LRRC75A: variants seen among roughly 807,000 people sequenced by gnomAD.
LRRC75A encodes the protein leucine-rich repeat-containing protein 75A.
Under a neutral mutation model 26.0 loss-of-function variants are expected in LRRC75A, and 12 were observed. That is an observed-to-expected ratio of 0.46 (90% CI 0.30 to 0.75). The LOEUF (loss-of-function observed/expected upper bound fraction) is 0.75, where lower values mean the gene tolerates loss of function less well. Among genes scored for constraint, LRRC75A ranks in the 30% least tolerant of loss-of-function variants. The probability of loss-of-function intolerance (pLI) is 0.08; values close to 1 mark genes in which losing one functional copy is unlikely to be tolerated. For missense variants in LRRC75A, 410 were observed against 486.6 expected (o/e 0.84, Z 1.48); for synonymous variants, 223 against 219.3 (o/e 1.02, Z -0.15).
rs754603305 is a variant in LRRC75A, at chr17:16,447,827, CG to C, written c.491+17del. ...ACACTCAGCCTGGCATAGACCTGCC[CG>C]GGGGAGTGTAACTCACCAGGCCTGT... On this transcript the variant is annotated intron_variant, in intron 3 of 3. Coordinates refer to ENST00000470794, the MANE Select transcript of LRRC75A (RefSeq NM_001113567.3). 3.0e-5 allele frequency: 46 copies of C among 1,516,468 alleles called. No individual in the cohort carries two copies. In the South Asian group the frequency reaches 5.7e-4, roughly 19 times the overall value. 93.9% of individuals were successfully genotyped at this position (1,516,468 alleles called of 1,614,324 possible).
intron 1 of LRRC75A, among the ~76,000 whole-genome samples, chr17:16,471,188 A>G (rs1343813613): frequency 6.6e-6 from 1 of 152,210 alleles, no homozygotes; most frequent in African/African-American, 2.4e-5. Flanking sequence ...AGAAGGCAGC[A>G]ATGTGAAGGT....
intron 1 of LRRC75A, among the ~76,000 whole-genome samples, chr17:16,466,900 C>T (rs1172402378): frequency 1.3e-5 from 2 of 152,126 alleles, no homozygotes; most frequent in Non-Finnish European, 2.9e-5. Flanking sequence ...ACCCTTAAGA[C>T]CATTTTAGGG....
intron 1 of LRRC75A, among the ~76,000 whole-genome samples, chr17:16,489,056 G>A (rs190005901): frequency 2.6e-5 from 4 of 152,290 alleles, no homozygotes; most frequent in Admixed American, 2.6e-4. Flanking sequence ...TGAACCCTCC[G>A]AAATTGCCTG....
chr17:16,442,092 G>A lies in LRRC75A; in HGVS notation c.*1496C>T, dbSNP rs916568785. 1.3e-5 allele frequency: 2 copies of A among 152,358 alleles called. No individual in the cohort carries two copies. The highest frequency in any genetic ancestry group is 4.8e-5 in the African/African-American group (2 of 41,548). The allele number at this position is 152,358 out of a possible 1,614,324, so 9.4% of individuals were successfully genotyped here. ...TCAGATATTAGCAGTCCAGATATTCGCTCTAGCTTGTAAACTTCCCTGTGG... is the reference window on the plus strand; with the variant it reads ...TCAGATATTAGCAGTCCAGATATTCACTCTAGCTTGTAAACTTCCCTGTGG... On this transcript the variant is annotated 3_prime_UTR_variant, in exon 4 of 4. Transcript: ENST00000470794.
chr17:16,474,989 C>T (rs550767379), intron 1 of LRRC75A, among the ~76,000 whole-genome samples: 1 of 146,894 alleles, frequency 6.8e-6, no homozygotes, highest in Non-Finnish European at 1.5e-5. Context: ...GTGCAAGACT[C>T]CGTCTCAAAA....
chr17:16,444,294 C>T lies in LRRC75A; in HGVS notation c.492-163G>A, dbSNP rs549258230. On this transcript the variant is annotated intron_variant, in intron 3 of 3. Coordinates refer to ENST00000470794, the MANE Select transcript of LRRC75A (RefSeq NM_001113567.3). ...TGCAGAGGTGGGAGCAACCAGGGAC[C>T]TCAGTCCCCTGACACTGCCGCACGT... Among the ~76,000 whole-genome samples the T allele has an allele frequency of 2.0e-3, 304 of 152,346 alleles. 1 individual carries two copies. The highest frequency in any genetic ancestry group is 3.4e-3 in the Non-Finnish European group (232 of 68,038).
In LRRC75A at chr17:16,447,916, C is replaced by T. The variant is rs2093599947; in HGVS notation, c.420G>A (p.Leu140=). The T allele has an allele frequency of 6.4e-7, 1 of 1,550,760 alleles. No homozygotes were observed. Among genetic ancestry groups the T allele is most frequent in the Admixed American group, 2.0e-5 (1 of 50,964 alleles). ...GGGAGTGGGGGCTGAGGTGGTATGT[C>T]AGCTGCCGGCACAGCTTCTCCATGG... ...LGAMEKLCRQ[L]TYHLSPHSQW... The change falls in exon 3 of 4, where the codon CTG becomes CTA. Residue 140 remains leucine (L), a synonymous_variant. Transcript: ENST00000470794.
intron 1 of LRRC75A, among the ~76,000 whole-genome samples, chr17:16,488,187 C>A (rs2093850775): frequency 6.6e-6 from 1 of 152,190 alleles, no homozygotes; most frequent in Admixed American, 6.5e-5. Flanking sequence ...GACAGCAGGC[C>A]TGAGCCCAAG....
chr17:16,490,241 T>C (rs1235327570), intron 1 of LRRC75A, among the ~76,000 whole-genome samples: 1 of 152,184 alleles, frequency 6.6e-6, no homozygotes, highest in African/African-American at 2.4e-5. Flanking sequence ...GGAAACAGCA[T>C]GTGATCAGGA....
chr17:16,452,024 C>T (rs1338788986), intron 2 of LRRC75A, among the ~76,000 whole-genome samples: 1 of 147,826 alleles, frequency 6.8e-6, no homozygotes, highest in Non-Finnish European at 1.5e-5. Flanking sequence ...GCGTTAGCCA[C>T]CGCGCCCGGC....
chr17:16,467,857 A>T (rs924070453), intron 1 of LRRC75A, among the ~76,000 whole-genome samples: 1 of 152,142 alleles, frequency 6.6e-6, no homozygotes, highest in African/African-American at 2.4e-5. Flanking sequence ...CAACTTCTCC[A>T]AGTCACCAAA....
At chr17:16,477,029 C>CAT (rs1568983425) in intron 1 of LRRC75A, among the ~76,000 whole-genome samples, 3 of 152,116 alleles carry the variant, frequency 2.0e-5, no homozygotes, top group African/African-American at 4.8e-5. Flanking sequence ...TGAGCCACTG[C>CAT]GCCCGGCCAT....
intron 2 of LRRC75A, chr17:16,448,254 C>G: frequency 2.5e-6 from 1 of 403,454 alleles, no homozygotes; most frequent in Non-Finnish European, 4.8e-6. Flanking sequence ...TGCTGACCCC[C>G]TGGCCAAGAC....
chr17:16,466,914 C>T (rs1257365205), intron 1 of LRRC75A, among the ~76,000 whole-genome samples: 1 of 152,130 alleles, frequency 6.6e-6, no homozygotes, highest in African/African-American at 2.4e-5. Flanking sequence ...TTTAGGGGTG[C>T]TGTGGGGACC....
chr17:16,454,802 T>C (rs1366853131), intron 2 of LRRC75A, among the ~76,000 whole-genome samples: 3 of 152,132 alleles, frequency 2.0e-5, no homozygotes, highest in African/African-American at 7.2e-5. Context: ...CTTTCTTTTT[T>C]TAAAGAGATG....
chr17:16,456,790 G>C (rs1274353708), intron 2 of LRRC75A, among the ~76,000 whole-genome samples: 1 of 152,208 alleles, frequency 6.6e-6, no homozygotes, highest in African/African-American at 2.4e-5. Context: ...TTCCTTGCTG[G>C]AGCCAGCCCG....
chr17:16,450,199 T>G (rs890971596), intron 2 of LRRC75A, among the ~76,000 whole-genome samples: 3 of 152,240 alleles, frequency 2.0e-5, no homozygotes, highest in African/African-American at 7.2e-5. Flanking sequence ...ATTCCCATTA[T>G]GCAGTGGGGG....
intron 1 of LRRC75A, among the ~76,000 whole-genome samples, chr17:16,476,727 G>A (rs1429342056): frequency 7.2e-6 from 1 of 139,780 alleles, no homozygotes; most frequent in Non-Finnish European, 1.5e-5. Flanking sequence ...CACCATGCCT[G>A]GCTGATTTTT....
intron 2 of LRRC75A, among the ~76,000 whole-genome samples, chr17:16,453,322 A>ACACACG (rs1221590394): frequency 6.5e-5 from 9 of 139,382 alleles, no homozygotes; most frequent in Admixed American, 3.5e-4. Context: ...GCACACACGC[A>ACACACG]CACACGCACA....
Sources: gnomAD v4.1 joint callset for allele counts (sites outside exome capture counted in the v4.1 genomes callset) on GRCh38, gnomAD v4.1.1 for gene constraint, MANE v1.5 for transcripts, NCBI Gene and HGNC (gene_info 2026-07-23, HGNC 2026-07-21) for gene names.